Variants in SEPTIN9 observed in about 807,000 individuals in gnomAD.
The protein encoded by SEPTIN9 is septin 9.
SEPTIN9 carries 13 observed loss-of-function variants against 56.6 expected under a neutral mutation model. The observed-to-expected ratio is 0.23, with a 90% CI of 0.15 to 0.37. The LOEUF is 0.37. Among genes scored for constraint, SEPTIN9 ranks in the 10% least tolerant of loss-of-function variants. The pLI is 1.00. For synonymous variants in SEPTIN9, 332 were observed against 334.1 expected (o/e 0.99, Z 0.07); for missense variants, 650 against 823.1 (o/e 0.79, Z 2.57).
chr17:77,491,165 C>G (rs1206961175), intron 8 of SEPTIN9, among the ~76,000 whole-genome samples: 1 of 152,070 alleles, frequency 6.6e-6, no homozygotes, highest in Non-Finnish European at 1.5e-5. Flanking sequence ...ATCTCTCTTC[C>G]AGGGAGTGAG....
intron 1 of SEPTIN9, among the ~76,000 whole-genome samples, chr17:77,295,454 G>C (rs2031767497): frequency 6.6e-6 from 1 of 152,178 alleles, no homozygotes; most frequent in South Asian, 2.1e-4. Flanking sequence ...TCCTGCTGGA[G>C]AAGCTGTCTG....
chr17:77,387,486 C>T (rs1004837501), intron 2 of SEPTIN9, among the ~76,000 whole-genome samples: 8 of 152,194 alleles, frequency 5.3e-5, no homozygotes, highest in African/African-American at 1.9e-4. Flanking sequence ...TTGGGGGTCA[C>T]TATTCAGTCC....
At chr17:77,440,993 G>A (rs2037528167) in intron 3 of SEPTIN9, among the ~76,000 whole-genome samples, 2 of 152,210 alleles carry the variant, frequency 1.3e-5, no homozygotes. Context: ...CAAAGGGTTT[G>A]TGGAGTGAGC....
At chr17:77,339,812 A>AT (rs2033669701) in intron 2 of SEPTIN9, among the ~76,000 whole-genome samples, 1 of 96,298 alleles carries the variant, frequency 1.0e-5, no homozygotes, top group Non-Finnish European at 2.1e-5. Context: ...ACCGGGCCCT[A>AT]TTTGTTTTTT....
intron 2 of SEPTIN9, among the ~76,000 whole-genome samples, chr17:77,315,312 G>A (rs1390026513): frequency 6.6e-6 from 1 of 151,068 alleles, no homozygotes; most frequent in African/African-American, 2.4e-5. Flanking sequence ...TTTTGAGATG[G>A]AATCTCGCGC....
intron 4 of SEPTIN9, chr17:77,484,035 C>T (rs2039564792): frequency 1.2e-4 from 18 of 152,276 alleles, no homozygotes; most frequent in Admixed American, 1.2e-3. Context: ...GTGTGTCTTC[C>T]CCTGGGCTCC....
intron 3 of SEPTIN9, among the ~76,000 whole-genome samples, chr17:77,404,695 G>A (rs2036006170): frequency 6.6e-6 from 1 of 152,168 alleles, no homozygotes; most frequent in African/African-American, 2.4e-5. Flanking sequence ...TTGTCTTGGC[G>A]GGTCTGGGGC....
chr17:77,387,813 C>T (rs2035388607), intron 2 of SEPTIN9, among the ~76,000 whole-genome samples: 5 of 152,156 alleles, frequency 3.3e-5, no homozygotes, highest in Admixed American at 1.3e-4. Context: ...CTTGTCACTT[C>T]TGTGGACAGA....
chr17:77,407,442 G>C (rs1475352623), intron 3 of SEPTIN9, among the ~76,000 whole-genome samples: 2 of 151,906 alleles, frequency 1.3e-5, no homozygotes, highest in Non-Finnish European at 2.9e-5. Flanking sequence ...GACCCCCATG[G>C]GTCGTCCCTA....
chr17:77,318,743 G>A lies in SEPTIN9; in HGVS notation c.76+11546G>A, dbSNP rs1220541043. 1.3e-5 allele frequency among the ~76,000 whole-genome samples: 2 copies of A among 152,120 alleles called. No homozygotes were observed. Among genetic ancestry groups the A allele is most frequent in the Non-Finnish European group, 2.9e-5 (2 of 68,028 alleles). ...TTTGGGGTCCTATCCCAGGCAGAGA[G>A]CGGACGGGACTGTGGCCTGAAGTGG... On this transcript the variant is annotated intron_variant, in intron 2 of 11. Transcript: ENST00000427177. The surrounding 1 kb of genome is among the most constrained non-coding windows in gnomAD (Gnocchi z 4.9).
At chr17:77,481,225 C>T (rs1055849609) in intron 3 of SEPTIN9, among the ~76,000 whole-genome samples, 1 of 152,226 alleles carries the variant, frequency 6.6e-6, no homozygotes, top group Admixed American at 6.5e-5. Flanking sequence ...GCAGGGCCAT[C>T]GAAGGGACCT....
At chr17:77,497,451 G>C (rs1401834820) in intron 11 of SEPTIN9, 85 bp downstream of exon 11, 1 of 1,309,152 alleles carries the variant, frequency 7.6e-7, no homozygotes, top group Admixed American at 1.9e-5. Context: ...GTGTGGGGCC[G>C]AAGCCCTGGG....
At chr17:77,473,739 A>C (rs2039099254) in intron 3 of SEPTIN9, among the ~76,000 whole-genome samples, 1 of 152,268 alleles carries the variant, frequency 6.6e-6, no homozygotes, top group African/African-American at 2.4e-5. Context: ...ATTTAAATAA[A>C]TGAACTTCAA....
chr17:77,408,816 T>G (rs1374442563), intron 3 of SEPTIN9, among the ~76,000 whole-genome samples: 1 of 152,096 alleles, frequency 6.6e-6, no homozygotes, highest in Non-Finnish European at 1.5e-5. Context: ...ACAGCCCAGC[T>G]TCTGGCCCCG....
chr17:77,427,376 G>A (rs577384536), intron 3 of SEPTIN9, among the ~76,000 whole-genome samples: 6 of 152,308 alleles, frequency 3.9e-5, no homozygotes, highest in African/African-American at 1.2e-4. Flanking sequence ...GCTTTGGGAA[G>A]CTGAGTTAGG....
At position 77,435,898 on chromosome 17, in the gene SEPTIN9, C is replaced by T. The variant is rs2037318763; in HGVS notation, c.721+33195C>T. On this transcript the variant is annotated intron_variant, in intron 3 of 11. Transcript: ENST00000427177. This position sits in a 1 kb window ranked among gnomAD's most constrained non-coding sequence, Gnocchi z 4.5. ...TGTGTAATCCCTAAAGCACGGACTT[C>T]TTAGGGGCTTCCATTCCTCCACCTG... Among the ~76,000 whole-genome samples the T allele has an allele frequency of 6.6e-6, 1 of 152,260 alleles. No individual in the cohort carries two copies. Among genetic ancestry groups the T allele is most frequent in the African/African-American group, 2.4e-5 (1 of 41,474 alleles).
intron 3 of SEPTIN9, among the ~76,000 whole-genome samples, chr17:77,474,356 C>T (rs2039124940): frequency 6.6e-6 from 1 of 152,250 alleles, no homozygotes; most frequent in Admixed American, 6.5e-5. Context: ...GACCCCCAGC[C>T]CGGCCCAGTA....
rs1406730648 is a variant in SEPTIN9 at position 77,342,603 on chromosome 17, A to G, written c.76+35406A>G. Among the ~76,000 whole-genome samples the G allele has an allele frequency of 7.2e-5, 11 of 152,212 alleles. 1 individual carries two copies. Among genetic ancestry groups the G allele is most frequent in the Admixed American group, 7.2e-4 (11 of 15,274 alleles). Reference sequence around the variant, plus strand: ...CAATTTGAATAGCAACTTGTAATATAAAGTGTTCTTAACTGTAAGAGGTAG... The same window carrying G: ...CAATTTGAATAGCAACTTGTAATATGAAGTGTTCTTAACTGTAAGAGGTAG... On this transcript the variant is annotated intron_variant, in intron 2 of 11. Coordinates refer to ENST00000427177, the MANE Select transcript of SEPTIN9 (RefSeq NM_001113491.2).
At chr17:77,346,276 GTC>G (rs2033888654) in intron 2 of SEPTIN9, among the ~76,000 whole-genome samples, 1 of 50,318 alleles carries the variant, frequency 2.0e-5, no homozygotes, top group East Asian at 7.7e-4. Context: ...AGATCCTTAG[GTC>G]TTTTTTTTTT....
Sources: allele counts gnomAD v4.1 joint callset (sites outside exome capture counted in the v4.1 genomes callset), GRCh38; gene constraint gnomAD v4.1.1; non-coding constraint Gnocchi (gnomAD v3.1); transcripts MANE v1.5; gene names NCBI Gene and HGNC (gene_info 2026-07-23, HGNC 2026-07-21).